Variants in RIMBP2 observed in about 807,000 individuals in gnomAD.
RIMBP2 encodes RIMS-binding protein 2.
RIMBP2 carries 48 observed loss-of-function variants against 118.6 expected under a neutral mutation model. That is an observed-to-expected ratio of 0.40 (90% CI 0.32 to 0.51). The LOEUF is 0.51. Ranked by LOEUF, RIMBP2 falls within the 20% of genes least tolerant of loss-of-function variation. The pLI is 0.41. For missense variants in RIMBP2, 1,551 were observed against 1,768.3 expected, an observed-to-expected ratio of 0.88 and a Z score of 2.20; for synonymous variants, 762 against 742.9, an observed-to-expected ratio of 1.03 and a Z score of -0.42.
chr12:130,496,606 C>T lies in RIMBP2; in HGVS notation c.-4+10042G>A, dbSNP rs903166306. Among the ~76,000 whole-genome samples, 8 of 152,170 alleles carry T rather than the reference C, an allele frequency of 5.3e-5. No individual in the cohort carries two copies. In the South Asian group the frequency reaches 6.2e-4, roughly 12 times the overall value. ...CACAGTGATACCTCATGAAAGGCCA[C>T]GTTCCCATCACCCTGAGCCCCCTTC... is the stretch of plus-strand genomic sequence containing the variant. On this transcript the variant is annotated intron_variant, in intron 4 of 22. Transcript: ENST00000690449.
At chr12:130,498,251 T>C (rs1039403227) in intron 4 of RIMBP2, among the ~76,000 whole-genome samples, 1 of 152,232 alleles carries the variant, frequency 6.6e-6, no homozygotes, top group African/African-American at 2.4e-5. Flanking sequence ...TCATTCTCCA[T>C]GAAGGCAGCA....
chr12:130,650,709 A>G (rs969380954), intron 1 of RIMBP2, among the ~76,000 whole-genome samples: 14 of 152,158 alleles, frequency 9.2e-5, no homozygotes, highest in Non-Finnish European at 2.1e-4. Context: ...CTTTCCACCA[A>G]CTCAGTAAAC....
chr12:130,531,974 T>C (rs71468427), intron 2 of RIMBP2, among the ~76,000 whole-genome samples: 1 of 110,044 alleles, frequency 9.1e-6, no homozygotes. Flanking sequence ...TGCGTATGTT[T>C]AGCCTCTAGG....
chr12:130,447,058 G>A lies in RIMBP2; in HGVS notation c.582-1789C>T, dbSNP rs1322670678. Reference sequence around the variant, plus strand: ...GGTAGATGGCCGAGACACAGAAGCTGGCAGAGTGTTCTCGGAGGAGGAGGA... The same window carrying A: ...GGTAGATGGCCGAGACACAGAAGCTAGCAGAGTGTTCTCGGAGGAGGAGGA... On this transcript the variant is annotated intron_variant, in intron 9 of 22. Transcript: ENST00000690449. This position sits in a 1 kb window ranked among gnomAD's most constrained non-coding sequence, Gnocchi z 4.4. 6.6e-6 allele frequency among the ~76,000 whole-genome samples: 1 copy of A among 151,660 alleles called. No homozygotes were observed. Among genetic ancestry groups the A allele is most frequent in the Non-Finnish European group, 1.5e-5 (1 of 67,956 alleles).
At chr12:130,673,345 A>ATTTGGC (rs2064286934) in intron 1 of RIMBP2, among the ~76,000 whole-genome samples, 1 of 152,226 alleles carries the variant, frequency 6.6e-6, no homozygotes, top group African/African-American at 2.4e-5. Flanking sequence ...CAAAGAGGCT[A>ATTTGGC]AAAGCCTATT....
rs114936122 is a variant in RIMBP2 at position 130,693,427 on chromosome 12, G to T, written c.-352+22795C>A. 8.0e-3 allele frequency among the ~76,000 whole-genome samples: 1,211 copies of T among 152,284 alleles called. 14 individuals carry two copies. The highest frequency in any genetic ancestry group is 0.028 in the African/African-American group (1,145 of 41,548). On this transcript the variant is annotated intron_variant, in intron 1 of 22. Coordinates refer to ENST00000690449, the MANE Select transcript of RIMBP2 (RefSeq NM_001393629.1). The stretch of plus-strand genomic sequence containing the variant: ...GTCGCCTTGAGGATTGTTAGGGCAA[G>T]CACAAAAGGGATGGCTACTTCTCAG...
rs1430256830 is a variant in RIMBP2, at chr12:130,710,149, C to T, written c.-352+6073G>A. ...AAAAACACCCAAGGAGCAATTTCTG[C>T]ACATACCTATGAGAATCAAAGCCAC... On this transcript the variant is annotated intron_variant, in intron 1 of 22. Transcript: ENST00000690449. This position sits in a 1 kb window ranked among gnomAD's most constrained non-coding sequence, Gnocchi z 4.3. Among the ~76,000 whole-genome samples the T allele has an allele frequency of 3.3e-5, 5 of 152,180 alleles. No homozygotes were observed. The highest frequency in any genetic ancestry group is 1.2e-4 in the African/African-American group (5 of 41,446).
chr12:130,704,863 C>G (rs556209267), intron 1 of RIMBP2, among the ~76,000 whole-genome samples: 1 of 152,292 alleles, frequency 6.6e-6, no homozygotes, highest in African/African-American at 2.4e-5. Flanking sequence ...TGATCTTGGG[C>G]TAGCTGCTTC....
At chr12:130,518,624 T>A (rs1043580363) in intron 2 of RIMBP2, among the ~76,000 whole-genome samples, 4 of 152,180 alleles carry the variant, frequency 2.6e-5, no homozygotes, top group Admixed American at 6.5e-5. Flanking sequence ...AACTCATTTT[T>A]AGGCTCAGTT....
intron 2 of RIMBP2, among the ~76,000 whole-genome samples, chr12:130,537,503 C>G (rs929491908): frequency 5.3e-5 from 8 of 152,200 alleles, no homozygotes; most frequent in African/African-American, 1.9e-4. Flanking sequence ...TAGCAAACGA[C>G]TTAACCTCTT....
intron 11 of RIMBP2, among the ~76,000 whole-genome samples, chr12:130,441,558 A>G (rs187046081): frequency 6.6e-6 from 1 of 152,126 alleles, no homozygotes. Context: ...CGGAAGATGT[A>G]ACCGTGTCCC....
Position 130,442,936 on chromosome 12 carries a change from C to A in RIMBP2, c.692-276G>T, listed in dbSNP as rs2137189663. Among the ~76,000 whole-genome samples, 1 of 152,292 alleles carries A rather than the reference C, an allele frequency of 6.6e-6. No individual in the cohort carries two copies. The highest frequency in any genetic ancestry group is 2.1e-4 in the South Asian group (1 of 4,824). On this transcript the variant is annotated intron_variant, in intron 10 of 22. Transcript: ENST00000690449. This position sits in a 1 kb window ranked among gnomAD's most constrained non-coding sequence, Gnocchi z 6.9. ...TTGTGTATCCGTGTACGTACACTGA[C>A]TACCCCCTCCCAACACGAACAACAC...
At chr12:130,559,755 G>C (rs1225026346) in intron 2 of RIMBP2, among the ~76,000 whole-genome samples, 5 of 152,174 alleles carry the variant, frequency 3.3e-5, no homozygotes, top group African/African-American at 9.7e-5. Flanking sequence ...AAGGGTGCTG[G>C]CTTGGAAGCC....
At position 130,625,115 on chromosome 12, in the gene RIMBP2, T is replaced by C. The variant is rs192268144; in HGVS notation, c.-217+3207A>G. ...GATACACCCATATAACGTGTGAAAG[T>C]CAAATCAGGGTAATTAGGATATTTA... On this transcript the variant is annotated intron_variant, in intron 2 of 22. Coordinates refer to ENST00000690449, the MANE Select transcript of RIMBP2 (RefSeq NM_001393629.1). Among the ~76,000 whole-genome samples, 129 of 152,304 alleles carry C rather than the reference T, an allele frequency of 8.5e-4. 1 individual carries two copies. Among genetic ancestry groups the C allele is most frequent in the African/African-American group, 2.6e-3 (109 of 41,550 alleles).
chr12:130,498,277 G>A (rs1248785282), intron 4 of RIMBP2, among the ~76,000 whole-genome samples: 1 of 152,206 alleles, frequency 6.6e-6, no homozygotes, highest in African/African-American at 2.4e-5. Context: ...CTGCAGTGCC[G>A]GTCGGTTCAG....
intron 2 of RIMBP2, among the ~76,000 whole-genome samples, chr12:130,592,751 G>A (rs1459861828): frequency 6.6e-6 from 1 of 152,082 alleles, no homozygotes; most frequent in Non-Finnish European, 1.5e-5. Context: ...GGGGACCTTG[G>A]CCGTGGCGGG....
intron 21 of RIMBP2, among the ~76,000 whole-genome samples, chr12:130,404,793 T>G (rs2075006488): frequency 6.6e-6 from 1 of 152,186 alleles, no homozygotes; most frequent in Non-Finnish European, 1.5e-5. Context: ...GAGGTGGGAC[T>G]CTTTACAAAA....
chr12:130,484,715 C>T (rs12315610), intron 4 of RIMBP2, among the ~76,000 whole-genome samples: 10,967 of 152,292 alleles, frequency 0.072, 796 homozygotes, highest in East Asian at 0.17. Context: ...CCCTGGAGCT[C>T]TCCACGCTGC....
At chr12:130,585,614 C>CAA (rs60707391) in intron 2 of RIMBP2, among the ~76,000 whole-genome samples, 2 of 123,010 alleles carry the variant, frequency 1.6e-5, no homozygotes, top group African/African-American at 3.0e-5. Context: ...GACCCTGTCT[C>CAA]AAAAAAAAAA....
Sources: allele counts gnomAD v4.1 joint callset (sites outside exome capture counted in the v4.1 genomes callset), GRCh38; gene constraint gnomAD v4.1.1; non-coding constraint Gnocchi (gnomAD v3.1); transcripts MANE v1.5; gene names NCBI Gene and HGNC (gene_info 2026-07-23, HGNC 2026-07-21).